The following PARD3 variants were observed in gnomAD, a reference collection of about 807,000 sequenced individuals.
The protein encoded by PARD3 is partitioning defective 3 homolog.
Under a neutral mutation model 155.4 loss-of-function variants are expected in PARD3, and 75 were observed. The observed-to-expected ratio is 0.48, with a 90% CI of 0.40 to 0.58. The LOEUF (loss-of-function observed/expected upper bound fraction) is 0.58, where lower values mean the gene tolerates loss of function less well. Among genes scored for constraint, PARD3 ranks in the 20% least tolerant of loss-of-function variants. The pLI is 0.00. For synonymous variants in PARD3, 576 were observed against 610.5 expected, an observed-to-expected ratio of 0.94 and a Z score of 0.83; for missense variants, 1,642 against 1,721.7, an observed-to-expected ratio of 0.95 and a Z score of 0.82.
chr10:34,432,071 A>AAAAAAAAAAAT, intron 5 of PARD3, among the ~76,000 whole-genome samples: 1 of 145,162 alleles, frequency 6.9e-6, no homozygotes, highest in South Asian at 2.1e-4. Flanking sequence ...AAAAAAAAAA[A>AAAAAAAAAAAT]GAATGCAGAG....
At chr10:34,187,348 G>A (rs1313760620) in intron 22 of PARD3, among the ~76,000 whole-genome samples, 1 of 151,678 alleles carries the variant, frequency 6.6e-6, no homozygotes, top group Non-Finnish European at 1.5e-5. Context: ...TTATAAACAT[G>A]TCCAAAAGTC....
At chr10:34,324,906 G>A (rs932090564) in intron 19 of PARD3, among the ~76,000 whole-genome samples, 4 of 152,054 alleles carry the variant, frequency 2.6e-5, no homozygotes, top group Non-Finnish European at 4.4e-5. Flanking sequence ...TTGCCCTGAC[G>A]TTACTACTTA....
rs570301442 is a variant in PARD3 at position 34,513,832 on chromosome 10, T to A, written c.403+3147A>T. Among the ~76,000 whole-genome samples, 6 of 152,334 alleles carry A rather than the reference T, an allele frequency of 3.9e-5. No homozygotes were observed. The East Asian group carries it at 1.2e-3, about 29-fold the overall frequency. On this transcript the variant is annotated intron_variant, in intron 3 of 24. Coordinates refer to ENST00000374788, the MANE Select transcript of PARD3 (RefSeq NM_001184785.2). The stretch of plus-strand genomic sequence containing the variant: ...CTGATGTCGGATTGTCCTGTGCTTG[T>A]AAGGTATGTACCAGTGTCCTTGACC...
chr10:34,670,548 C>T (rs370983599), intron 2 of PARD3, among the ~76,000 whole-genome samples: 7 of 152,312 alleles, frequency 4.6e-5, no homozygotes, highest in African/African-American at 1.2e-4. Flanking sequence ...GGGTACCTGA[C>T]TAGCCCCAAC....
intron 1 of PARD3, among the ~76,000 whole-genome samples, chr10:34,759,991 C>A (rs998840464): frequency 6.6e-6 from 1 of 152,138 alleles, no homozygotes; most frequent in African/African-American, 2.4e-5. Context: ...CATGACTTTA[C>A]CTGTCAAAAT....
chr10:34,191,735 C>T (rs1458447527), intron 22 of PARD3, among the ~76,000 whole-genome samples: 3 of 152,010 alleles, frequency 2.0e-5, no homozygotes, highest in Admixed American at 6.5e-5. Context: ...TTCCTGGCCC[C>T]GCTGAAGAGA....
chr10:34,657,961 A>G (rs186100380), intron 2 of PARD3, among the ~76,000 whole-genome samples: 8 of 152,200 alleles, frequency 5.3e-5, no homozygotes, highest in East Asian at 2.0e-4. Flanking sequence ...CCTAGCTAAC[A>G]CAGTGAAACC....
At chr10:34,200,426 A>T (rs1288239615) in intron 22 of PARD3, among the ~76,000 whole-genome samples, 3 of 152,200 alleles carry the variant, frequency 2.0e-5, no homozygotes, top group Non-Finnish European at 4.4e-5. Flanking sequence ...AAGACTGAAG[A>T]GTTAACAAAC....
intron 5 of PARD3, among the ~76,000 whole-genome samples, chr10:34,438,887 A>G (rs1245976085): frequency 6.6e-6 from 1 of 152,200 alleles, no homozygotes; most frequent in East Asian, 1.9e-4. Context: ...CTAAGTGGGA[A>G]CCAAGTGTGT....
At chr10:34,792,721 G>A (rs1370672445) in intron 1 of PARD3, among the ~76,000 whole-genome samples, 1 of 152,238 alleles carries the variant, frequency 6.6e-6, no homozygotes, top group Non-Finnish European at 1.5e-5. Context: ...TTTGGCAGCA[G>A]AAAGCAGAGG....
intron 2 of PARD3, among the ~76,000 whole-genome samples, chr10:34,693,715 T>C (rs1293464073): frequency 1.3e-5 from 2 of 152,090 alleles, no homozygotes; most frequent in Non-Finnish European, 2.9e-5. Flanking sequence ...ATAAAACTTT[T>C]TTAAAAATAA....
chr10:34,727,123 G>A (rs1380324704), intron 1 of PARD3, among the ~76,000 whole-genome samples: 1 of 152,148 alleles, frequency 6.6e-6, no homozygotes, highest in Middle Eastern at 3.2e-3. Context: ...TGTGTGGTGG[G>A]GGATTCCATC....
chr10:34,311,935 T>A (rs1040180540), intron 20 of PARD3, among the ~76,000 whole-genome samples: 1 of 152,220 alleles, frequency 6.6e-6, no homozygotes, highest in African/African-American at 2.4e-5. Context: ...AACATCTGCC[T>A]GTGTCCCAAA....
intron 22 of PARD3, among the ~76,000 whole-genome samples, chr10:34,255,260 C>A (rs1391904199): frequency 3.9e-5 from 6 of 152,126 alleles, no homozygotes; most frequent in African/African-American, 1.2e-4. Flanking sequence ...GGAAGTGTTC[C>A]AATCCACGCT....
intron 15 of PARD3, chr10:34,345,189 T>TA: frequency 2.0e-6 from 2 of 985,078 alleles, no homozygotes; most frequent in Non-Finnish European, 2.4e-6. Flanking sequence ...TATCAGGACT[T>TA]AGTTCCTCAT....
chr10:34,537,803 G>C (rs1205775894), intron 2 of PARD3, among the ~76,000 whole-genome samples: 2 of 152,196 alleles, frequency 1.3e-5, no homozygotes, highest in African/African-American at 4.8e-5. Context: ...TAGTGTTTAT[G>C]GTGAAACACA....
chr10:34,690,639 C>G (rs891602736), intron 2 of PARD3, among the ~76,000 whole-genome samples: 1 of 152,160 alleles, frequency 6.6e-6, no homozygotes, highest in African/African-American at 2.4e-5. Flanking sequence ...AGCCATGCAC[C>G]AGGGCCAGGC....
chr10:34,484,693 C>T (rs1449029221), intron 3 of PARD3, among the ~76,000 whole-genome samples: 1 of 152,190 alleles, frequency 6.6e-6, no homozygotes, highest in East Asian at 1.9e-4. Flanking sequence ...CATGATCCAG[C>T]ACTTCAGCGT....
chr10:34,585,105 A>G (rs2087884914), intron 2 of PARD3, among the ~76,000 whole-genome samples: 1 of 152,180 alleles, frequency 6.6e-6, no homozygotes, highest in African/African-American at 2.4e-5. Context: ...AAGAAAAGAT[A>G]CACATTATCC....
Sources: gnomAD v4.1 joint callset for allele counts (sites outside exome capture counted in the v4.1 genomes callset) on GRCh38, gnomAD v4.1.1 for gene constraint, MANE v1.5 for transcripts, NCBI Gene and HGNC (gene_info 2026-07-23, HGNC 2026-07-21) for gene names.